The following ALK variants were observed in gnomAD, a reference collection of about 807,000 sequenced individuals.
The protein encoded by ALK is ALK receptor tyrosine kinase, also known as ALK tyrosine kinase receptor.
In ALK, 74 loss-of-function variants were observed where a neutral mutation model predicts 163.1. The observed-to-expected ratio is 0.45, with a 90% CI of 0.38 to 0.55. The LOEUF is 0.55. Ranked by LOEUF, ALK falls within the 20% of genes least tolerant of loss-of-function variation. The probability of loss-of-function intolerance (pLI) is 0.00; values close to 1 mark genes in which losing one functional copy is unlikely to be tolerated. For synonymous variants in ALK, 960 were observed against 843.2 expected (o/e 1.14, Z -2.40); for missense variants, 2,063 against 2,105.3 (o/e 0.98, Z 0.39).
chr2:29,779,647 G>A (rs115361791), intron 1 of ALK, among the ~76,000 whole-genome samples: 1 of 152,140 alleles, frequency 6.6e-6, no homozygotes, highest in Non-Finnish European at 1.5e-5. Context: ...GCCAGTCTTT[G>A]GTTCTGCAGA....
chr2:29,548,870 C>T (rs1158278297), intron 3 of ALK, among the ~76,000 whole-genome samples: 1 of 152,004 alleles, frequency 6.6e-6, no homozygotes, highest in Non-Finnish European at 1.5e-5. Flanking sequence ...CGAGTGGCTA[C>T]AGAGGGTTAC....
intron 9 of ALK, among the ~76,000 whole-genome samples, chr2:29,284,422 G>A (rs190589670): frequency 6.6e-6 from 1 of 152,304 alleles, no homozygotes; most frequent in African/African-American, 2.4e-5. Flanking sequence ...AGAAGGGGCT[G>A]AGAACACAGG....
intron 2 of ALK, among the ~76,000 whole-genome samples, chr2:29,716,913 G>A (rs1679272621): frequency 1.3e-5 from 2 of 149,806 alleles, no homozygotes; most frequent in South Asian, 4.3e-4. Flanking sequence ...AGAAGGCTGA[G>A]GCAGGCGGAT....
At chr2:29,669,666 C>A (rs1677623035) in intron 3 of ALK, among the ~76,000 whole-genome samples, 1 of 151,930 alleles carries the variant, frequency 6.6e-6, no homozygotes, top group Non-Finnish European at 1.5e-5. Flanking sequence ...GTTTTAAGAT[C>A]CTCCCTTTCT....
At chr2:29,359,642 C>G (rs1668342833) in intron 5 of ALK, among the ~76,000 whole-genome samples, 1 of 152,204 alleles carries the variant, frequency 6.6e-6, no homozygotes, top group Non-Finnish European at 1.5e-5. Context: ...AATAGACACT[C>G]TAGCTGGACT....
chr2:29,661,429 T>G (rs1307767893), intron 3 of ALK, among the ~76,000 whole-genome samples: 1 of 152,232 alleles, frequency 6.6e-6, no homozygotes, highest in Non-Finnish European at 1.5e-5. Flanking sequence ...TCATTGCATT[T>G]TCATTGAATG....
At chr2:29,632,536 C>T (rs955789906) in intron 3 of ALK, among the ~76,000 whole-genome samples, 39 of 152,028 alleles carry the variant, frequency 2.6e-4, no homozygotes, top group African/African-American at 9.2e-4. Context: ...AATTGGTGGC[C>T]TTACCTGAAG....
intron 3 of ALK, among the ~76,000 whole-genome samples, chr2:29,616,641 T>C (rs544942992): frequency 2.6e-5 from 4 of 152,278 alleles, no homozygotes; most frequent in Non-Finnish European, 4.4e-5. Context: ...AATCACACCC[T>C]TCCTAAACTT....
intron 4 of ALK, among the ~76,000 whole-genome samples, chr2:29,516,190 A>C (rs1414906253): frequency 6.6e-6 from 1 of 152,186 alleles, no homozygotes; most frequent in Non-Finnish European, 1.5e-5. Context: ...TTCATTACCC[A>C]ATTTTACCTA....
intron 8 of ALK, among the ~76,000 whole-genome samples, chr2:29,308,422 A>C (rs1299167901): frequency 6.6e-6 from 1 of 152,202 alleles, no homozygotes; most frequent in African/African-American, 2.4e-5. Flanking sequence ...AAAGCAATAA[A>C]TGCTATATTA....
intron 1 of ALK, among the ~76,000 whole-genome samples, chr2:29,803,700 A>G (rs374155957): frequency 2.6e-5 from 4 of 152,216 alleles, no homozygotes; most frequent in Admixed American, 6.5e-5. Flanking sequence ...TAGAATAAAC[A>G]TTGTCTCGGC....
chr2:29,511,641 G>C (rs959510354), intron 4 of ALK, among the ~76,000 whole-genome samples: 1 of 152,120 alleles, frequency 6.6e-6, no homozygotes, highest in Non-Finnish European at 1.5e-5. Context: ...TCATCCTCTT[G>C]AGTAAATGTC....
intron 3 of ALK, among the ~76,000 whole-genome samples, chr2:29,543,678 T>C (rs2148168327): frequency 6.6e-6 from 1 of 152,330 alleles, no homozygotes; most frequent in East Asian, 1.9e-4. Flanking sequence ...AGGTGATCTT[T>C]TACCTGCACT....
At chr2:29,899,289 C>T (rs1667348775) in intron 1 of ALK, among the ~76,000 whole-genome samples, 1 of 152,190 alleles carries the variant, frequency 6.6e-6, no homozygotes, top group South Asian at 2.1e-4. Flanking sequence ...GAAGGAAATC[C>T]AGTGAGGGCC....
intron 2 of ALK, among the ~76,000 whole-genome samples, chr2:29,703,275 T>C (rs1322411661): frequency 6.6e-6 from 1 of 152,250 alleles, no homozygotes; most frequent in East Asian, 1.9e-4. Context: ...TGGGCCTGAC[T>C]GTCCTCACTT....
chr2:29,340,309 G>C (rs188428073), intron 5 of ALK, among the ~76,000 whole-genome samples: 1 of 152,298 alleles, frequency 6.6e-6, no homozygotes, highest in Admixed American at 6.5e-5. Context: ...CAGGGACCAG[G>C]CTTTAGATTC....
intron 4 of ALK, among the ~76,000 whole-genome samples, chr2:29,453,694 G>C (rs1670880152): frequency 6.6e-6 from 1 of 152,114 alleles, no homozygotes; most frequent in Admixed American, 6.6e-5. Flanking sequence ...GATGGAATAG[G>C]AGAAAAGAGG....
intron 5 of ALK, among the ~76,000 whole-genome samples, chr2:29,349,784 G>A (rs1668061434): frequency 6.6e-6 from 1 of 152,220 alleles, no homozygotes; most frequent in African/African-American, 2.4e-5. Context: ...AACCTAGGAT[G>A]TGCCCTGCTC....
At chr2:29,279,634 T>C (rs934182277) in intron 9 of ALK, among the ~76,000 whole-genome samples, 2 of 152,176 alleles carry the variant, frequency 1.3e-5, no homozygotes, top group African/African-American at 4.8e-5. Context: ...GTTTCCCTAC[T>C]TTCGAAGGTG....
Sources: allele counts gnomAD v4.1 joint callset (sites outside exome capture counted in the v4.1 genomes callset), GRCh38; gene constraint gnomAD v4.1.1; transcripts MANE v1.5; gene names NCBI Gene and HGNC (gene_info 2026-07-23, HGNC 2026-07-21).